The following CDH18 variants were observed in gnomAD, a reference collection of about 807,000 sequenced individuals.
CDH18 encodes cadherin-18.
CDH18 carries 31 observed loss-of-function variants against 67.9 expected under a neutral mutation model. That is an observed-to-expected ratio of 0.46 (90% CI 0.34 to 0.62). The LOEUF is 0.62. Among genes scored for constraint, CDH18 ranks in the 20% least tolerant of loss-of-function variants. The pLI, the probability that CDH18 is intolerant of heterozygous loss-of-function variation, is 0.01. For synonymous variants in CDH18, 362 were observed against 347.2 expected (o/e 1.04, Z -0.48); for missense variants, 890 against 975.5 (o/e 0.91, Z 1.17).
At chr5:19,902,271 A>G (rs1579507163) in intron 2 of CDH18, among the ~76,000 whole-genome samples, 1 of 152,298 alleles carries the variant, frequency 6.6e-6, no homozygotes, top group Non-Finnish European at 1.5e-5. Context: ...AGTGTGAGTT[A>G]CATTTAGTGA....
At chr5:19,916,156 T>G (rs1411883236) in intron 2 of CDH18, among the ~76,000 whole-genome samples, 1 of 152,076 alleles carries the variant, frequency 6.6e-6, no homozygotes, top group African/African-American at 2.4e-5. Context: ...GAAATCAGAT[T>G]CTATCCTTCC....
intron 1 of CDH18, among the ~76,000 whole-genome samples, chr5:20,294,153 G>A (rs959515576): frequency 2.0e-5 from 3 of 152,016 alleles, no homozygotes; most frequent in East Asian, 1.9e-4. Flanking sequence ...TTTTTAGTAC[G>A]GTTAAGGGAA....
chr5:20,271,466 G>A (rs1466438892), intron 1 of CDH18, among the ~76,000 whole-genome samples: 1 of 152,128 alleles, frequency 6.6e-6, no homozygotes, highest in Admixed American at 6.6e-5. Flanking sequence ...TGTTTGAGGT[G>A]ATGGATATGC....
chr5:19,833,505 C>G (rs955466923), intron 3 of CDH18, among the ~76,000 whole-genome samples: 1 of 152,064 alleles, frequency 6.6e-6, no homozygotes, highest in African/African-American at 2.4e-5. Flanking sequence ...ATCTGAATAC[C>G]TTTTATTTCT....
chr5:20,201,984 C>T (rs113943532), intron 2 of CDH18, among the ~76,000 whole-genome samples: 1 of 152,182 alleles, frequency 6.6e-6, no homozygotes, highest in South Asian at 2.1e-4. Flanking sequence ...GAAGTCATTA[C>T]AGGCACTACC....
At chr5:20,048,752 T>C (rs1445779796) in intron 2 of CDH18, among the ~76,000 whole-genome samples, 1 of 151,640 alleles carries the variant, frequency 6.6e-6, no homozygotes, top group Non-Finnish European at 1.5e-5. Context: ...CAATAAATCT[T>C]CTGATATATT....
intron 6 of CDH18, among the ~76,000 whole-genome samples, chr5:19,595,421 C>T (rs374132560): frequency 3.9e-5 from 6 of 152,218 alleles, no homozygotes; most frequent in East Asian, 1.9e-4. Context: ...GAGACCTGTT[C>T]GAGACTAGCC....
chr5:20,418,038 CAGAT>C (rs977059809), intron 1 of CDH18, among the ~76,000 whole-genome samples: 1 of 151,978 alleles, frequency 6.6e-6, no homozygotes, highest in African/African-American at 2.4e-5. Context: ...ACATTTTCCA[CAGAT>C]AAAGAGACTA....
At chr5:20,402,763 G>T (rs1379118848) in intron 1 of CDH18, among the ~76,000 whole-genome samples, 2 of 151,986 alleles carry the variant, frequency 1.3e-5, no homozygotes, top group Non-Finnish European at 2.9e-5. Flanking sequence ...GTTGAAGTTT[G>T]GGGGTGGCTG....
At chr5:20,395,064 A>T (rs558166613) in intron 1 of CDH18, among the ~76,000 whole-genome samples, 82 of 152,320 alleles carry the variant, frequency 5.4e-4, no homozygotes, top group Non-Finnish European at 9.4e-4. Context: ...TTGATCTATT[A>T]TTCAATACAG....
chr5:20,434,910 G>A (rs116550724), intron 1 of CDH18, among the ~76,000 whole-genome samples: 284 of 152,156 alleles, frequency 1.9e-3, no homozygotes, highest in Non-Finnish European at 3.0e-3. Flanking sequence ...GAAGCAGTTG[G>A]ATCTTGCAGC....
intron 2 of CDH18, among the ~76,000 whole-genome samples, chr5:19,949,180 T>C (rs75801103): frequency 0.025 from 3,793 of 152,270 alleles, 124 homozygotes; most frequent in African/African-American, 0.083. Context: ...CTATTCTCAA[T>C]GTCTCCCAAA....
intron 10 of CDH18, among the ~76,000 whole-genome samples, chr5:19,508,330 T>C (rs927382441): frequency 1.3e-5 from 2 of 152,108 alleles, no homozygotes; most frequent in Non-Finnish European, 2.9e-5. Flanking sequence ...CATCAAATTT[T>C]CTATCCCTTT....
chr5:19,988,592 C>A (rs1799790485), upstream of CDH18, among the ~76,000 whole-genome samples: 7 of 152,134 alleles, frequency 4.6e-5, no homozygotes, highest in Admixed American at 3.9e-4. Flanking sequence ...ACCATCAATT[C>A]TCTGCGGGGG....
chr5:19,628,601 C>T (rs190471470), intron 5 of CDH18, among the ~76,000 whole-genome samples: 15 of 152,040 alleles, frequency 9.9e-5, no homozygotes, highest in African/African-American at 3.6e-4. Context: ...AAGTGTTTGA[C>T]CTAGAATACA....
chr5:20,415,802 A>AT (rs550543025), intron 1 of CDH18, among the ~76,000 whole-genome samples: 303 of 152,014 alleles, frequency 2.0e-3, no homozygotes, highest in African/African-American at 6.6e-3. Flanking sequence ...ATAAATATAT[A>AT]AAAAAATAAA....
At chr5:20,521,895 AC>A (rs1364207962) in intron 1 of CDH18, among the ~76,000 whole-genome samples, 1 of 152,118 alleles carries the variant, frequency 6.6e-6, no homozygotes, top group African/African-American at 2.4e-5. Context: ...CTGAAAAAAA[AC>A]CCTCTTCGAA....
chr5:19,821,728 T>G (rs1303502958), intron 3 of CDH18, among the ~76,000 whole-genome samples: 1 of 152,038 alleles, frequency 6.6e-6, no homozygotes, highest in Non-Finnish European at 1.5e-5. Flanking sequence ...GTCAAATCAC[T>G]TACAAAGGGA....
intron 5 of CDH18, among the ~76,000 whole-genome samples, chr5:19,623,796 T>A (rs988821099): frequency 1.3e-5 from 2 of 151,408 alleles, no homozygotes; most frequent in African/African-American, 4.8e-5. Context: ...TATACATATA[T>A]CAATGACCAT....
Sources: gnomAD v4.1 joint callset for allele counts (sites outside exome capture counted in the v4.1 genomes callset) on GRCh38, gnomAD v4.1.1 for gene constraint, MANE v1.5 for transcripts, NCBI Gene and HGNC (gene_info 2026-07-23, HGNC 2026-07-21) for gene names.